Variants in SCN9A observed in about 807,000 individuals in gnomAD.
SCN9A encodes the protein sodium channel protein type 9 subunit alpha.
Under a neutral mutation model 187.0 loss-of-function variants are expected in SCN9A, and 131 were observed. The observed-to-expected ratio is 0.70, with a 90% CI of 0.61 to 0.81. The LOEUF (loss-of-function observed/expected upper bound fraction) is 0.81, where lower values mean the gene tolerates loss of function less well. Ranked by LOEUF, SCN9A falls within the 30% of genes least tolerant of loss-of-function variation. The pLI is 0.00. For missense variants in SCN9A, 2,252 were observed against 2,396.6 expected (o/e 0.94, Z 1.26); for synonymous variants, 809 against 808.6 (o/e 1.00, Z -0.01).
chr2:166,227,592 G>A, intron 23 of SCN9A, 78 bp downstream of exon 23: 3 of 846,582 alleles, frequency 3.5e-6, no homozygotes, highest in Non-Finnish European at 5.9e-6. Flanking sequence ...GCTTCATGAA[G>A]TTATAGTTTG....
At chr2:166,335,539 C>T (rs1425864869) in intron 1 of SCN9A, among the ~76,000 whole-genome samples, 1 of 152,132 alleles carries the variant, frequency 6.6e-6, no homozygotes, top group Non-Finnish European at 1.5e-5. Context: ...GAAACATGGT[C>T]ACTAGAGTGG....
intron 1 of SCN9A, among the ~76,000 whole-genome samples, chr2:166,336,472 A>C (rs1699630534): frequency 6.6e-6 from 1 of 152,070 alleles, no homozygotes; most frequent in Non-Finnish European, 1.5e-5. Flanking sequence ...TGCTATGGAC[A>C]CCTGGTGGGT....
chr2:166,223,061 G>T (rs1694693261), intron 24 of SCN9A, among the ~76,000 whole-genome samples: 1 of 121,616 alleles, frequency 8.2e-6, no homozygotes, highest in Non-Finnish European at 1.8e-5. Context: ...CAAATCAAAA[G>T]ATAATAGGTG....
intron 26 of SCN9A, among the ~76,000 whole-genome samples, chr2:166,200,088 C>T (rs1331936003): frequency 7.1e-6 from 1 of 141,366 alleles, no homozygotes; most frequent in Non-Finnish European, 1.5e-5. Context: ...AGCTCCGCCT[C>T]CCGGGTTCAC....
intron 24 of SCN9A, among the ~76,000 whole-genome samples, chr2:166,208,633 T>G (rs751579547): frequency 6.6e-6 from 1 of 152,246 alleles, no homozygotes; most frequent in East Asian, 1.9e-4. Context: ...AAAACTAATT[T>G]CACATGAAAT....
At chr2:166,332,521 A>G (rs536415135) in intron 1 of SCN9A, among the ~76,000 whole-genome samples, 131 of 152,320 alleles carry the variant, frequency 8.6e-4, no homozygotes, top group African/African-American at 3.0e-3. Context: ...TTTCTTCTGA[A>G]TCACTTGAAA....
chr2:166,356,643 C>G (rs897487647), intron 1 of SCN9A, among the ~76,000 whole-genome samples: 6 of 152,164 alleles, frequency 3.9e-5, no homozygotes, highest in Non-Finnish European at 8.8e-5. Context: ...CAGTACCAAC[C>G]CCTTGTGTAT....
intron 17 of SCN9A, among the ~76,000 whole-genome samples, chr2:166,257,017 T>C (rs561103287): frequency 2.6e-5 from 4 of 151,758 alleles, no homozygotes; most frequent in Non-Finnish European, 1.5e-5. Flanking sequence ...CCAGGTCCTA[T>C]AGTATCATCT....
rs759899956 is a variant in SCN9A at position 166,280,392 on chromosome 2, C to T, written c.2308G>A (p.Glu770Lys). 3 of 1,585,890 alleles carry T rather than the reference C, an allele frequency of 1.9e-6. No homozygotes were observed. The highest frequency in any genetic ancestry group is 2.6e-6 in the Non-Finnish European group (3 of 1,164,104). ...FMAMEHHPMT[E>K]EFKNVLAIGN... ...ATAGCAAGTACATTTTTGAATTCCT[C>T]AGTCATTGGGTGGTGTTCCATAGCC... The change falls in exon 14 of 27, where the codon GAG becomes AAG. Residue 770 changes from glutamate (E) to lysine (K), a missense_variant. By Grantham distance (56) the Glu-to-Lys change is moderately conservative. Coordinates refer to ENST00000642356, the MANE Select transcript of SCN9A (RefSeq NM_001365536.1).
rs573014318 is a variant in SCN9A, at chr2:166,336,503, A to C, written c.-50-24697T>G. On this transcript the variant is annotated intron_variant, in intron 1 of 26. Coordinates refer to ENST00000642356, the MANE Select transcript of SCN9A (RefSeq NM_001365536.1). The stretch of plus-strand genomic sequence containing the variant: ...TGGGTAGAGGACAGAGAGGCTGCTA[A>C]AGTTCCTATAGGAATGCCCCCAAAA... 2.3e-3 allele frequency among the ~76,000 whole-genome samples: 348 copies of C among 152,156 alleles called. 1 individual carries two copies. The highest frequency in any genetic ancestry group is 7.6e-3 in the African/African-American group (315 of 41,542).
chr2:166,370,855 A>G (rs1700545012), intron 1 of SCN9A, among the ~76,000 whole-genome samples: 2 of 152,070 alleles, frequency 1.3e-5, no homozygotes, highest in African/African-American at 4.8e-5. Flanking sequence ...ATTGCAGGGC[A>G]GGATGCTAAC....
chr2:166,357,420 C>G (rs1700176304), intron 1 of SCN9A, among the ~76,000 whole-genome samples: 1 of 152,112 alleles, frequency 6.6e-6, no homozygotes, highest in Non-Finnish European at 1.5e-5. Context: ...GTAAAATGTT[C>G]CATTTGTAAC....
chr2:166,222,950 A>AAC lies in SCN9A; in HGVS notation c.4398+3616_4398+3617insGT, dbSNP rs1694672184. ...CGTCTCAAAAAAAAAAACAACAAAAAAAAAAAAAAAAAAAAAAAAAAACAG... is the reference window on the plus strand; with the variant it reads ...CGTCTCAAAAAAAAAAACAACAAAAAACAAAAAAAAAAAAAAAAAAAAAACAG... On this transcript the variant is annotated intron_variant, in intron 24 of 26. Transcript: ENST00000642356. Among the ~76,000 whole-genome samples the AAC allele has an allele frequency of 1.4e-4, 17 of 117,686 alleles. No individual in the cohort carries two copies. The East Asian group carries it at 2.7e-3, about 19-fold the overall frequency. The allele number at this position is 117,686 out of a possible 152,430, so 77.2% of individuals were successfully genotyped here. A position where few individuals can be genotyped will look rare whatever the true frequency, so the allele number is the denominator to read the frequency against.
intron 1 of SCN9A, among the ~76,000 whole-genome samples, chr2:166,319,512 T>G (rs926659429): frequency 4.6e-5 from 7 of 152,112 alleles, no homozygotes; most frequent in Admixed American, 2.0e-4. Context: ...CTGGTAGAAT[T>G]GAAGCAGAGA....
intron 18 of SCN9A, among the ~76,000 whole-genome samples, chr2:166,243,213 A>C (rs548211497): frequency 3.2e-4 from 49 of 152,206 alleles, no homozygotes; most frequent in Admixed American, 7.2e-4. Flanking sequence ...GTGACTTTAA[A>C]TTTTTATGTA....
chr2:166,204,082 C>T lies in SCN9A; in HGVS notation c.4647G>A (p.Trp1549Ter), dbSNP rs760027816. ...AAAGGATTATAAAAACCACATTTAT[C>T]CAATATAAAACTTCAGTCATATGTT... The part of the protein sequence containing the change: ...QSQHMTEVLY[W>*]INVVFIILFT... Residue 1549 changes from tryptophan (W) to a stop codon, truncating the protein, a stop_gained, in exon 26 of 27, where the codon TGG (tryptophan) becomes TGA (stop). Transcript: ENST00000642356. LOFTEE classifies it high-confidence loss of function. 1.2e-6 allele frequency: 2 copies of T among 1,612,656 alleles called. No individual in the cohort carries two copies. Among genetic ancestry groups the T allele is most frequent in the Non-Finnish European group, 1.7e-6 (2 of 1,179,126 alleles).
At chr2:166,266,323 C>T (rs1696736195) in intron 17 of SCN9A, among the ~76,000 whole-genome samples, 1 of 151,864 alleles carries the variant, frequency 6.6e-6, no homozygotes, top group Non-Finnish European at 1.5e-5. Flanking sequence ...AAGAGGCTGT[C>T]CTTTCTCTAT....
chr2:166,375,857 C>A lies in SCN9A; in HGVS notation c.-211G>T, dbSNP rs2089928908. The A allele has an allele frequency of 6.6e-6, 1 of 152,256 alleles. No individual in the cohort carries two copies. Among genetic ancestry groups the A allele is most frequent in the Non-Finnish European group, 1.5e-5 (1 of 68,068 alleles). The allele number at this position is 152,256 out of a possible 1,614,324, so 9.4% of individuals were successfully genotyped here. ...CGCCTGCCGCTAGCAGCCACTGGCA[C>A]CCAGGCTAGCCCAGCCTCAGCCGAG... On this transcript the variant is annotated 5_prime_UTR_variant, in exon 1 of 27. Transcript: ENST00000642356.
intron 10 of SCN9A, among the ~76,000 whole-genome samples, chr2:166,286,846 A>T (rs907898896): frequency 5.9e-5 from 9 of 152,322 alleles, no homozygotes; most frequent in Middle Eastern, 3.4e-3. Context: ...TTTTAGAATT[A>T]AACTATTACA....
Sources: gnomAD v4.1 joint callset for allele counts (sites outside exome capture counted in the v4.1 genomes callset) on GRCh38, gnomAD v4.1.1 for gene constraint, MANE v1.5 for transcripts, NCBI Gene and HGNC (gene_info 2026-07-23, HGNC 2026-07-21) for gene names.